Variants in WDPCP observed in about 807,000 individuals in gnomAD.
The protein encoded by WDPCP is WD repeat containing planar cell polarity effector, also known as WD repeat-containing and planar cell polarity effector protein fritz homolog.
Under a neutral mutation model 93.1 loss-of-function variants are expected in WDPCP, and 71 were observed. The ratio of observed to expected loss-of-function variants is 0.76; its 90% CI spans 0.63 to 0.93. The LOEUF (loss-of-function observed/expected upper bound fraction) is 0.93. WDPCP is among the 40% of genes least tolerant of loss of function. The pLI, the probability that WDPCP is intolerant of heterozygous loss-of-function variation, is 0.00. For missense variants in WDPCP, 844 were observed against 887.4 expected (o/e 0.95, Z 0.62); for synonymous variants, 315 against 315.0 (o/e 1.00, Z 0.00).
rs540456371 is a variant in WDPCP at position 63,476,016 on chromosome 2, G to A, written c.384+8588C>T. Among the ~76,000 whole-genome samples, 52 of 152,156 alleles carry A rather than the reference G, an allele frequency of 3.4e-4. No homozygotes were observed. The Middle Eastern group carries it at 0.01, about 30-fold the overall frequency. ...TTGATTACCTCTGGTCACTTCACAT[G>A]TAACAGAGTCAAAACTAAATTTTTT... On this transcript the variant is annotated intron_variant, in intron 6 of 17. Transcript: ENST00000272321.
intron 2 of WDPCP, among the ~76,000 whole-genome samples, chr2:63,722,058 T>C (rs1395528737): frequency 6.6e-6 from 1 of 152,096 alleles, no homozygotes; most frequent in Non-Finnish European, 1.5e-5. Context: ...TGGAGTGCAG[T>C]GGCGTGATCT....
chr2:63,519,314 CA>C (rs1383886509), intron 1 of WDPCP: 1 of 152,586 alleles, frequency 6.6e-6, no homozygotes, highest in Non-Finnish European at 1.5e-5. Flanking sequence ...CCACACCTGC[CA>C]GTGCCCTGGG....
intron 3 of WDPCP, among the ~76,000 whole-genome samples, chr2:63,634,529 A>C (rs1709901891): frequency 6.6e-6 from 1 of 152,250 alleles, no homozygotes; most frequent in African/African-American, 2.4e-5. Flanking sequence ...TACCTAACAG[A>C]CATATCCAGA....
At chr2:63,270,545 A>T (rs1682554763) in intron 13 of WDPCP, among the ~76,000 whole-genome samples, 1 of 152,190 alleles carries the variant, frequency 6.6e-6, no homozygotes, top group East Asian at 1.9e-4. Context: ...ACAAAGAAGG[A>T]CCAGAATATC....
intron 1 of WDPCP, among the ~76,000 whole-genome samples, chr2:63,556,001 A>G (rs1706088110): frequency 6.6e-6 from 1 of 152,216 alleles, no homozygotes; most frequent in African/African-American, 2.4e-5. Context: ...GCTGAGATGG[A>G]TGAATTGACA....
intron 1 of WDPCP, among the ~76,000 whole-genome samples, chr2:63,523,710 G>A (rs563819277): frequency 7.2e-5 from 11 of 152,156 alleles, no homozygotes; most frequent in Non-Finnish European, 1.0e-4. Context: ...TCAGGAGTTC[G>A]AGACCAGTTT....
intron 12 of WDPCP, among the ~76,000 whole-genome samples, chr2:63,365,775 C>G (rs1444383012): frequency 2.6e-5 from 4 of 152,090 alleles, no homozygotes; most frequent in Admixed American, 2.6e-4. Flanking sequence ...TTACCACTCG[C>G]AGAACTAAGT....
At chr2:63,400,354 A>ATAC (rs1451282615) in intron 10 of WDPCP, among the ~76,000 whole-genome samples, 1 of 152,212 alleles carries the variant, frequency 6.6e-6, no homozygotes, top group Non-Finnish European at 1.5e-5. Flanking sequence ...CAACTAGGCA[A>ATAC]TACTATCCTG....
At chr2:63,462,138 G>A (rs947614835) in intron 6 of WDPCP, among the ~76,000 whole-genome samples, 4 of 152,178 alleles carry the variant, frequency 2.6e-5, no homozygotes, top group African/African-American at 7.2e-5. Context: ...AAGAAAATGT[G>A]GCACATATAC....
chr2:63,655,376 C>A (rs1446131154), intron 2 of WDPCP, among the ~76,000 whole-genome samples: 1 of 151,930 alleles, frequency 6.6e-6, no homozygotes, highest in Non-Finnish European at 1.5e-5. Context: ...TCTAGTATTA[C>A]AAACACATAT....
In WDPCP at chr2:63,313,285, A is replaced by AG. The variant is rs761691470; in HGVS notation, c.1774dup (p.Leu592ProfsTer5). 3.7e-6 allele frequency: 6 copies of AG among 1,613,816 alleles called. No individual in the cohort carries two copies. In the South Asian group the frequency reaches 6.6e-5, roughly 18 times the overall value. On this transcript the variant is annotated frameshift_variant, in exon 13 of 18. Transcript: ENST00000272321. LOFTEE classifies it high-confidence loss of function. ...ACGAGCACCAACGTCAACAGCTAGG[A>AG]GAAATGCCTTTTCAAACCTCTGGTA...
intron 14 of WDPCP, among the ~76,000 whole-genome samples, chr2:63,213,264 A>G (rs539058335): frequency 7.9e-5 from 12 of 152,334 alleles, no homozygotes; most frequent in African/African-American, 2.9e-4. Flanking sequence ...AGAAATTATA[A>G]CAAACTGTCT....
chr2:63,389,358 T>C (rs559185842), intron 10 of WDPCP, among the ~76,000 whole-genome samples: 13 of 152,152 alleles, frequency 8.5e-5, no homozygotes, highest in Non-Finnish European at 1.8e-4. Flanking sequence ...CTGAGAGATT[T>C]TGTCACCACC....
At position 63,588,395 on chromosome 2, in the gene WDPCP, T is replaced by C. The variant is rs1709031541; in HGVS notation, c.-124A>G. On this transcript the variant is annotated 5_prime_UTR_variant, in exon 1 of 18. Transcript: ENST00000272321. ...CCGCCGCCGCCACAGTTTCCTCAGG[T>C]GCTACAAAGCAGCCAGGGTGTGCGT... 5 of 1,160,884 alleles carry C rather than the reference T, an allele frequency of 4.3e-6. No individual in the cohort carries two copies. Among genetic ancestry groups the C allele is most frequent in the Non-Finnish European group, 5.1e-6 (4 of 791,138 alleles). The allele number at this position is 1,160,884 out of a possible 1,614,324, so 71.9% of individuals were successfully genotyped here.
intron 2 of WDPCP, among the ~76,000 whole-genome samples, chr2:63,809,071 G>T (rs186710505): frequency 6.7e-6 from 1 of 150,312 alleles, no homozygotes; most frequent in Non-Finnish European, 1.5e-5. Flanking sequence ...CTGACCGGCC[G>T]CCCCGTCTGA....
intron 12 of WDPCP, among the ~76,000 whole-genome samples, chr2:63,324,196 T>C (rs1687345719): frequency 2.0e-5 from 3 of 152,048 alleles, no homozygotes; most frequent in Admixed American, 2.0e-4. Flanking sequence ...TGGAGTGAAA[T>C]ACCTTATGTC....
At chr2:63,733,873 A>G (rs906379704) in intron 2 of WDPCP, among the ~76,000 whole-genome samples, 5 of 152,246 alleles carry the variant, frequency 3.3e-5, no homozygotes, top group African/African-American at 1.2e-4. Context: ...TTTCATCACC[A>G]TAAAAAAAAC....
chr2:63,547,652 T>C (rs1705251809), intron 1 of WDPCP, among the ~76,000 whole-genome samples: 1 of 150,370 alleles, frequency 6.7e-6, no homozygotes, highest in Non-Finnish European at 1.5e-5. Context: ...TGCAGCAACA[T>C]AGATGGAACT....
intron 2 of WDPCP, among the ~76,000 whole-genome samples, chr2:63,807,672 T>G (rs1408975175): frequency 6.6e-6 from 1 of 152,194 alleles, no homozygotes; most frequent in Non-Finnish European, 1.5e-5. Context: ...GTTAATAAAT[T>G]TAAAATCACT....
Sources: allele counts gnomAD v4.1 joint callset (sites outside exome capture counted in the v4.1 genomes callset), GRCh38; gene constraint gnomAD v4.1.1; transcripts MANE v1.5; gene names NCBI Gene and HGNC (gene_info 2026-07-23, HGNC 2026-07-21).